The following GKAP1 variants were observed in gnomAD, a reference collection of about 807,000 sequenced individuals.
The protein encoded by GKAP1 is G kinase-anchoring protein 1.
A neutral mutation model predicts 56.7 loss-of-function variants in GKAP1; 31 were observed. The ratio of observed to expected loss-of-function variants is 0.55; its 90% confidence interval spans 0.41 to 0.74. The LOEUF (loss-of-function observed/expected upper bound fraction) is 0.74. Ranked by LOEUF, GKAP1 falls within the 30% of genes least tolerant of loss-of-function variation. GKAP1 has a pLI of 0.00. For synonymous variants in GKAP1, 151 were observed against 138.6 expected, an observed-to-expected ratio of 1.09 and a Z score of -0.63; for missense variants, 364 against 402.3, an observed-to-expected ratio of 0.90 and a Z score of 0.82.
intron 8 of GKAP1, among the ~76,000 whole-genome samples, chr9:83,758,598 A>C (rs1943515615): frequency 6.6e-6 from 1 of 151,996 alleles, no homozygotes; most frequent in South Asian, 2.1e-4. Context: ...ATACATAATA[A>C]ATTAGCTGGG....
At chr9:83,810,758 T>C (rs1448534263) in intron 2 of GKAP1, among the ~76,000 whole-genome samples, 3 of 152,240 alleles carry the variant, frequency 2.0e-5, no homozygotes, top group Non-Finnish European at 2.9e-5. Flanking sequence ...ATAAAGTACT[T>C]AGAACAGTAG....
chr9:83,817,432 G>A (rs1377951122), intron 1 of GKAP1, 85 bp downstream of exon 1: 2 of 151,634 alleles, frequency 1.3e-5, no homozygotes, highest in African/African-American at 4.8e-5. Context: ...CCGGGGCGCC[G>A]AGGGGAGCGC....
intron 4 of GKAP1, among the ~76,000 whole-genome samples, chr9:83,795,661 G>A (rs1433562569): frequency 2.9e-5 from 4 of 139,934 alleles, no homozygotes; most frequent in African/African-American, 5.2e-5. Flanking sequence ...GCATGATCAC[G>A]GCTCACTGCA....
chr9:83,803,561 G>A (rs1944370535), intron 3 of GKAP1, among the ~76,000 whole-genome samples: 1 of 152,240 alleles, frequency 6.6e-6, no homozygotes, highest in Admixed American at 6.5e-5. Context: ...AGTGCTCAAT[G>A]GTGCCCAGGC....
At chr9:83,790,002 A>C (rs1376683916) in intron 4 of GKAP1, among the ~76,000 whole-genome samples, 1 of 152,214 alleles carries the variant, frequency 6.6e-6, no homozygotes, top group Non-Finnish European at 1.5e-5. Flanking sequence ...ATAGAAACCA[A>C]CTCCAAAAAG....
In GKAP1 at chr9:83,799,065, T is replaced by C. The variant is rs577719714; in HGVS notation, c.360+120A>G. On this transcript the variant is annotated intron_variant, in intron 4 of 12. Transcript: ENST00000376371. ...AACCTCTTATTAAAAGCAACAAATA[T>C]GAATTAATCCAATACAAATTGCTTC... The C allele has an allele frequency of 3.2e-5, 25 of 782,934 alleles. No individual in the cohort carries two copies. The Admixed American group carries it at 5.3e-4, about 17-fold the overall frequency. The allele number at this position is 782,934 out of a possible 1,614,324, so 48.5% of individuals were successfully genotyped here.
intron 8 of GKAP1, among the ~76,000 whole-genome samples, chr9:83,761,947 A>G (rs576430315): frequency 6.7e-6 from 1 of 148,644 alleles, no homozygotes; most frequent in East Asian, 2.0e-4. Context: ...ACAGCAAGTA[A>G]TATACTGGAT....
At chr9:83,767,497 T>C (rs1163658688) in intron 8 of GKAP1, among the ~76,000 whole-genome samples, 2 of 151,458 alleles carry the variant, frequency 1.3e-5, no homozygotes, top group Non-Finnish European at 1.5e-5. Context: ...TAGCTGGGAC[T>C]ACAGGCGCCC....
intron 8 of GKAP1, among the ~76,000 whole-genome samples, chr9:83,757,507 T>C (rs1363533627): frequency 6.6e-6 from 1 of 152,186 alleles, no homozygotes; most frequent in East Asian, 1.9e-4. Flanking sequence ...TTAGGGCCTA[T>C]TGAATGGGTT....
intron 3 of GKAP1, among the ~76,000 whole-genome samples, chr9:83,803,077 C>G (rs768223174): frequency 1.3e-5 from 2 of 152,044 alleles, no homozygotes; most frequent in Admixed American, 1.3e-4. Context: ...CTACTGCATT[C>G]CAATCTGGGT....
chr9:83,784,903 GTAATATGTTTCT>G (rs1944038798), intron 5 of GKAP1, 65 bp from the exon 6 acceptor site: 9 of 1,178,530 alleles, frequency 7.6e-6, no homozygotes, highest in Non-Finnish European at 9.2e-6. Context: ...TCACCAACAG[GTAATATGTTTCT>G]TAAAGTTTAT....
chr9:83,741,355 A>C (rs919472585), intron 12 of GKAP1, among the ~76,000 whole-genome samples: 5 of 91,324 alleles, frequency 5.5e-5, no homozygotes, highest in South Asian at 4.2e-4. Context: ...ACATAAATAT[A>C]TCTCTCACAC....
chr9:83,782,622 T>A (rs1021666851), intron 6 of GKAP1, among the ~76,000 whole-genome samples: 10 of 149,190 alleles, frequency 6.7e-5, no homozygotes, highest in Non-Finnish European at 3.0e-5. Flanking sequence ...CCTCCCAAAG[T>A]GCTGGAATTG....
rs1201582715 is a variant in GKAP1 at position 83,779,587 on chromosome 9, GTA to G, written c.585+793_585+794del. Among the ~76,000 whole-genome samples the G allele has an allele frequency of 5.2e-4, 12 of 22,928 alleles. 1 individual carries two copies. Among genetic ancestry groups the G allele is most frequent in the Admixed American group, 3.4e-3 (9 of 2,660 alleles). The allele number at this position is 22,928 out of a possible 152,430, so 15.0% of individuals were successfully genotyped here. On this transcript the variant is annotated intron_variant, in intron 7 of 12. Transcript: ENST00000376371. ...TATATATACACACATATATATACAC[GTA>G]TATGTGTATATATATACACATATAC...
chr9:83,761,122 A>T (rs974457453), intron 8 of GKAP1, among the ~76,000 whole-genome samples: 2 of 151,832 alleles, frequency 1.3e-5, no homozygotes, highest in African/African-American at 4.8e-5. Flanking sequence ...CTTGAAAAAA[A>T]ACCTAAAAAT....
intron 10 of GKAP1, among the ~76,000 whole-genome samples, chr9:83,743,231 G>T (rs189525416): frequency 3.3e-5 from 5 of 152,042 alleles, no homozygotes; most frequent in Admixed American, 3.3e-4. Flanking sequence ...ACTCTAAATA[G>T]GACAAGGATA....
At position 83,769,996 on chromosome 9, in the gene GKAP1, T is replaced by G. The variant is rs556533737; in HGVS notation, c.586-1026A>C. Among the ~76,000 whole-genome samples the G allele has an allele frequency of 9.8e-5, 15 of 152,342 alleles. No individual in the cohort carries two copies. In the South Asian group the frequency reaches 1.0e-3, roughly 11 times the overall value. ...CCCTTTTGTGTGCTTATTGAAGATT[T>G]GTATATCTTTTTGGAGAAATGTCTT... On this transcript the variant is annotated intron_variant, in intron 7 of 12. Coordinates refer to ENST00000376371, the MANE Select transcript of GKAP1 (RefSeq NM_025211.4).
intron 4 of GKAP1, chr9:83,788,976 T>C (rs998382519): frequency 9.9e-6 from 2 of 202,884 alleles, no homozygotes; most frequent in Non-Finnish European, 2.0e-5. Context: ...GGCACTATAA[T>C]AGATGTCAAA....
intron 9 of GKAP1, chr9:83,749,079 T>C (rs747150358): frequency 1.2e-4 from 19 of 152,110 alleles, no homozygotes; most frequent in Non-Finnish European, 2.5e-4. Context: ...CTTAGCTTCT[T>C]CTCACATTAC....
Sources: gnomAD v4.1 joint callset for allele counts (sites outside exome capture counted in the v4.1 genomes callset) on GRCh38, gnomAD v4.1.1 for gene constraint, MANE v1.5 for transcripts, NCBI Gene and HGNC (gene_info 2026-07-23, HGNC 2026-07-21) for gene names.